Variants in PFKFB3 observed in about 807,000 individuals in gnomAD.
PFKFB3 encodes 6-phosphofructo-2-kinase/fructose-2,6-biphosphatase 3, also known as 6-phosphofructo-2-kinase/fructose-2,6-bisphosphatase 3.
PFKFB3 carries 33 observed loss-of-function variants against 68.0 expected under a neutral mutation model. The observed-to-expected ratio is 0.49, with a 90% CI of 0.37 to 0.65. The LOEUF (loss-of-function observed/expected upper bound fraction) is 0.65. Among genes scored for constraint, PFKFB3 ranks in the 30% least tolerant of loss-of-function variants. The probability of loss-of-function intolerance (pLI) is 0.00; values close to 1 mark genes in which losing one functional copy is unlikely to be tolerated. For missense variants in PFKFB3, 586 were observed against 712.2 expected, an observed-to-expected ratio of 0.82 and a Z score of 2.02; for synonymous variants, 315 against 288.2, an observed-to-expected ratio of 1.09 and a Z score of -0.94.
At chr10:6,254,488 T>C (rs892559817) in exon 15 of PFKFB3, 2 of 397,420 alleles carry the variant, frequency 5.0e-6, no homozygotes, top group Admixed American at 4.4e-5. Context: ...AATACAGAGG[T>C]CTCCAATGGA....
chr10:6,209,370 CA>C (rs577661082), intron 1 of PFKFB3, among the ~76,000 whole-genome samples: 73 of 152,182 alleles, frequency 4.8e-4, no homozygotes, highest in African/African-American at 1.7e-3. Context: ...TCACAACTTT[CA>C]AAAACTTTAG....
intron 1 of PFKFB3, among the ~76,000 whole-genome samples, chr10:6,192,072 T>C (rs1843038640): frequency 6.6e-6 from 1 of 151,744 alleles, no homozygotes; most frequent in Non-Finnish European, 1.5e-5. Flanking sequence ...TTTCTTCTGA[T>C]CTTGGCTACT....
At chr10:6,201,968 A>G (rs1843376483), upstream of PFKFB3, among the ~76,000 whole-genome samples, 1 of 152,236 alleles carries the variant, frequency 6.6e-6, no homozygotes, top group Non-Finnish European at 1.5e-5. The surrounding 1 kb of genome is among the most constrained non-coding windows in gnomAD (Gnocchi z 4.1). Context: ...GTGGGGAGGC[A>G]GAGCTGCAGG....
At chr10:6,190,765 GT>G (rs1196505814) in intron 1 of PFKFB3, among the ~76,000 whole-genome samples, 1 of 152,074 alleles carries the variant, frequency 6.6e-6, no homozygotes, top group Non-Finnish European at 1.5e-5. Context: ...CAACATCAGG[GT>G]TTTCTGTGCC....
rs1412450838 is a variant in PFKFB3 at position 6,249,959 on chromosome 10, T to G, written c.1516-4219T>G. ...TTGTACCCTAGCCATATATAAATAT[T>G]ATTTGCCAATTTACAATTTAAAAAT... On this transcript the variant is annotated intron_variant, in intron 14 of 14. Coordinates refer to the PFKFB3 transcript ENST00000640683. Among the ~76,000 whole-genome samples the G allele has an allele frequency of 3.3e-5, 5 of 152,184 alleles. No homozygotes were observed. In the East Asian group the frequency reaches 9.6e-4, roughly 29 times the overall value.
intron 1 of PFKFB3, among the ~76,000 whole-genome samples, chr10:6,155,491 A>G (rs924842200): frequency 6.6e-6 from 1 of 152,118 alleles, no homozygotes; most frequent in Non-Finnish European, 1.5e-5. Flanking sequence ...GGCGTGAGCC[A>G]CCGCACCTGG....
chr10:6,239,674 T>C (rs1322441890), downstream of PFKFB3, among the ~76,000 whole-genome samples: 1 of 152,172 alleles, frequency 6.6e-6, no homozygotes, highest in African/African-American at 2.4e-5. Context: ...ACATGAAGAC[T>C]TTCTAATATT....
intron 1 of PFKFB3, 113 bp downstream of exon 1, chr10:6,203,449 G>A: frequency 1.8e-6 from 1 of 551,180 alleles, no homozygotes. Context: ...CGTGCGGGTC[G>A]CGCCGGCGGG....
At chr10:6,278,555 G>A in the PFKFB3 span, among the ~76,000 whole-genome samples, 3 of 152,160 alleles carry the variant, frequency 2.0e-5, no homozygotes, top group Non-Finnish European at 4.4e-5. Context: ...GATTACAGGC[G>A]TGAGCCACCG....
At chr10:6,261,451 C>T in the PFKFB3 span, among the ~76,000 whole-genome samples, 3 of 152,312 alleles carry the variant, frequency 2.0e-5, no homozygotes, top group East Asian at 5.8e-4. Context: ...ACTGCATGTT[C>T]TCACTTACAA....
chr10:6,276,639 G>A, the PFKFB3 span, among the ~76,000 whole-genome samples: 1 of 90,116 alleles, frequency 1.1e-5, no homozygotes, highest in African/African-American at 3.6e-5. Flanking sequence ...GAAAAAACTT[G>A]AGGAGTAATT....
the PFKFB3 span, among the ~76,000 whole-genome samples, chr10:6,267,753 G>C: frequency 4.0e-5 from 6 of 151,690 alleles, no homozygotes; most frequent in Non-Finnish European, 5.9e-5. Flanking sequence ...TCAGGAGTTC[G>C]AGACCAGCCT....
At chr10:6,321,751 A>G in the PFKFB3 span, among the ~76,000 whole-genome samples, 15 of 152,152 alleles carry the variant, frequency 9.9e-5, no homozygotes, top group African/African-American at 3.6e-4. Context: ...AGAAGCTCAC[A>G]CTAACTGGCT....
chr10:6,155,355 A>C (rs1249455963), intron 1 of PFKFB3, among the ~76,000 whole-genome samples: 1 of 150,786 alleles, frequency 6.6e-6, no homozygotes, highest in Non-Finnish European at 1.5e-5. Context: ...GGCGCCCACC[A>C]CCACGCCCGG....
At chr10:6,258,060 C>T (rs1846508628), downstream of PFKFB3, among the ~76,000 whole-genome samples, 1 of 152,152 alleles carries the variant, frequency 6.6e-6, no homozygotes, top group Non-Finnish European at 1.5e-5. Context: ...AAGCAGACGG[C>T]CTGCTTTACT....
At chr10:6,192,992 C>A (rs1012089587) in intron 1 of PFKFB3, among the ~76,000 whole-genome samples, 4 of 152,056 alleles carry the variant, frequency 2.6e-5, no homozygotes, top group Non-Finnish European at 4.4e-5. Context: ...CACCTCAGAG[C>A]CCTGCAGGAT....
At chr10:6,217,291 C>A in intron 6 of PFKFB3, 100 bp downstream of exon 6, 2 of 1,064,118 alleles carry the variant, frequency 1.9e-6, no homozygotes, top group Non-Finnish European at 2.9e-6. Context: ...GGAAGCGCAG[C>A]TGAGCCCTTA....
chr10:6,287,104 T>C, the PFKFB3 span, among the ~76,000 whole-genome samples: 1 of 152,148 alleles, frequency 6.6e-6, no homozygotes, highest in Non-Finnish European at 1.5e-5. Flanking sequence ...TGTTTTGTTT[T>C]GTTTTGGAGC....
chr10:6,251,718 C>A (rs933031253), intron 14 of PFKFB3, among the ~76,000 whole-genome samples: 9 of 152,144 alleles, frequency 5.9e-5, no homozygotes, highest in African/African-American at 1.9e-4. Context: ...TGCCTGTAAT[C>A]CCAGCATTTT....
Sources: gnomAD v4.1 joint callset for allele counts (sites outside exome capture counted in the v4.1 genomes callset) on GRCh38, gnomAD v4.1.1 for gene constraint, Gnocchi (gnomAD v3.1) non-coding constraint, MANE v1.5 for transcripts, NCBI Gene and HGNC (gene_info 2026-07-23, HGNC 2026-07-21) for gene names.